The following KIF5B variants were observed in gnomAD, a reference collection of about 807,000 sequenced individuals.
The protein encoded by KIF5B is kinesin family member 5B, also known as kinesin-1 heavy chain.
In KIF5B, 49 loss-of-function variants were observed where a neutral mutation model predicts 132.8. The ratio of observed to expected loss-of-function variants is 0.37; its 90% CI spans 0.29 to 0.47. KIF5B has a LOEUF of 0.47. Among genes scored for constraint, KIF5B ranks in the 20% least tolerant of loss-of-function variants. KIF5B has a pLI of 1.00. For missense variants in KIF5B, 780 were observed against 1,144.0 expected, an observed-to-expected ratio of 0.68 and a Z score of 4.59; for synonymous variants, 355 against 369.4, an observed-to-expected ratio of 0.96 and a Z score of 0.45.
At chr10:32,043,407 C>T (rs759702980) in intron 2 of KIF5B, among the ~76,000 whole-genome samples, 5 of 152,142 alleles carry the variant, frequency 3.3e-5, no homozygotes, top group Admixed American at 2.6e-4. Flanking sequence ...GAAGCTGAGA[C>T]GCAAATGCAA....
At chr10:32,031,336 C>T (rs1841400439) in intron 13 of KIF5B, 57 bp from the exon 14 acceptor site, 1 of 1,324,030 alleles carries the variant, frequency 7.6e-7, no homozygotes, top group African/African-American at 1.5e-5. Flanking sequence ...TAAAAAACAC[C>T]CATGAAGCTT....
intron 15 of KIF5B, among the ~76,000 whole-genome samples, chr10:32,026,978 C>T (rs781445390): frequency 3.9e-5 from 6 of 152,210 alleles, no homozygotes; most frequent in Non-Finnish European, 7.3e-5. Flanking sequence ...CCTCCATCAA[C>T]AAACAGTAAC....
chr10:32,031,012 G>C, intron 14 of KIF5B, 61 bp downstream of exon 14: 1 of 1,203,968 alleles, frequency 8.3e-7, no homozygotes, highest in Non-Finnish European at 1.2e-6. Context: ...TATTTAAGTA[G>C]TTTTTAGGTT....
At chr10:32,027,822 C>T (rs1183009614) in intron 15 of KIF5B, among the ~76,000 whole-genome samples, 1 of 151,814 alleles carries the variant, frequency 6.6e-6, no homozygotes, top group African/African-American at 2.4e-5. Flanking sequence ...AGGCTGGTCT[C>T]GAACTCCTGG....
Position 32,017,365 on chromosome 10 carries a change from C to T in KIF5B, c.2545-6G>A, listed in dbSNP as rs370648605. The T allele has an allele frequency of 2.6e-5, 42 of 1,607,986 alleles. No individual in the cohort carries two copies. The highest frequency in any genetic ancestry group is 2.0e-4 in the East Asian group (9 of 44,834). The stretch of plus-strand genomic sequence containing the variant: ...TCTGCATTATCACGTACCAACTAAA[C>T]GTACACAAAGAAAACAAGGATTCCA... On this transcript the variant is annotated splice_region_variant and splice_polypyrimidine_tract_variant and intron_variant, in intron 23 of 25. Transcript: ENST00000302418.
chr10:32,015,791 C>G, intron 24 of KIF5B, 132 bp from the exon 25 acceptor site: 1 of 695,140 alleles, frequency 1.4e-6, no homozygotes. Context: ...GTTTCTCCAT[C>G]ACTTTTTCTT....
chr10:32,046,521 T>C (rs922110978), intron 2 of KIF5B, among the ~76,000 whole-genome samples: 7 of 152,176 alleles, frequency 4.6e-5, no homozygotes, highest in Non-Finnish European at 1.0e-4. Context: ...TAGCAGATAA[T>C]CCCACTAAAA....
intron 2 of KIF5B, among the ~76,000 whole-genome samples, chr10:32,043,090 G>A (rs896070034): frequency 1.9e-4 from 29 of 152,080 alleles, no homozygotes; most frequent in African/African-American, 2.4e-4. Context: ...TGCAACCTCC[G>A]CCTCCCAGGT....
chr10:32,038,240 T>C (rs376520450), intron 5 of KIF5B, 22 bp from the exon 6 acceptor site: 20 of 1,568,082 alleles, frequency 1.3e-5, no homozygotes, highest in Non-Finnish European at 1.7e-5. Context: ...AAACAAATGT[T>C]AGCAACATTC....
chr10:32,018,601 T>C, intron 20 of KIF5B, 39 bp from the exon 21 acceptor site: 2 of 1,332,554 alleles, frequency 1.5e-6, no homozygotes, highest in Non-Finnish European at 2.0e-6. Flanking sequence ...TCAAATTTTA[T>C]TCTGTATATT....
chr10:32,022,555 A>G (rs1841278318), intron 16 of KIF5B, among the ~76,000 whole-genome samples: 2 of 152,206 alleles, frequency 1.3e-5, no homozygotes, highest in African/African-American at 2.4e-5. Flanking sequence ...GGCCCCATTC[A>G]TTCAGTTGCC....
Position 32,037,308 on chromosome 10 carries a change from C to T in KIF5B, c.657G>A (p.Thr219=), listed in dbSNP as rs770051975. ...AAAGTTTTCCACTCAGCTTTTGTTC[C>T]GTTTGTGTGTTCTCTTGTTTGACAT... ...LINVKQENTQ[T]EQKLSGKLYL... is the part of the protein sequence containing the mutation. Residue 219 remains threonine, a synonymous_variant, in exon 8 of 26, where the codon ACG becomes ACA. Transcript: ENST00000302418. 6.8e-6 allele frequency: 11 copies of T among 1,613,620 alleles called. No individual in the cohort carries two copies. The highest frequency in any genetic ancestry group is 2.2e-5 in the East Asian group (1 of 44,870).
At chr10:32,015,752 C>G in intron 24 of KIF5B, 93 bp from the exon 25 acceptor site, 1 of 1,077,762 alleles carries the variant, frequency 9.3e-7, no homozygotes, top group Non-Finnish European at 1.3e-6. Context: ...CAACAAATTC[C>G]CAAATGTTTT....
chr10:32,014,402 AG>A (rs1236432836), intron 25 of KIF5B, among the ~76,000 whole-genome samples: 1 of 116,938 alleles, frequency 8.6e-6, no homozygotes, highest in Non-Finnish European at 1.8e-5. Flanking sequence ...GGAGTGGGGC[AG>A]GGGGGTGTGG....
intron 14 of KIF5B, among the ~76,000 whole-genome samples, chr10:32,029,128 T>G (rs145624173): frequency 6.6e-6 from 1 of 152,266 alleles, no homozygotes; most frequent in East Asian, 1.9e-4. Context: ...ATAGCTGGCT[T>G]AACAGCTACA....
chr10:32,028,730 C>A (rs1367201431), intron 14 of KIF5B, among the ~76,000 whole-genome samples, 159 bp from the exon 15 acceptor site: 1 of 152,190 alleles, frequency 6.6e-6, no homozygotes, highest in Non-Finnish European at 1.5e-5. Context: ...GGGCTCCCAG[C>A]TCAAACTTAA....
Position 32,023,044 on chromosome 10 carries a change from G to T in KIF5B, c.1726-8C>A, listed in dbSNP as rs1161827745. The T allele has an allele frequency of 1.3e-6, 2 of 1,493,420 alleles. No homozygotes were observed. The highest frequency in any genetic ancestry group is 1.4e-5 in the African/African-American group (1 of 71,626). 92.5% of individuals were successfully genotyped at this position (1,493,420 alleles called of 1,614,324 possible). A position where few individuals can be genotyped will look rare whatever the true frequency, so the allele number is the denominator to read the frequency against. ...GCCAGTTCCCTCAGGCTGCTGTAAG[G>T]AAAAAGTAAAATAAAAAATTAAAGC... is the stretch of plus-strand genomic sequence containing the variant. On this transcript the variant is annotated splice_polypyrimidine_tract_variant and splice_region_variant and intron_variant, in intron 15 of 25. Coordinates refer to ENST00000302418, the MANE Select transcript of KIF5B (RefSeq NM_004521.3).
At chr10:32,012,817 G>C (rs528344811) in intron 25 of KIF5B, among the ~76,000 whole-genome samples, 38 of 151,778 alleles carry the variant, frequency 2.5e-4, no homozygotes, top group Non-Finnish European at 4.7e-4. Context: ...AAATCCCCTT[G>C]CCCAGCTCCC....
At chr10:32,025,551 T>A (rs1841323886) in intron 15 of KIF5B, among the ~76,000 whole-genome samples, 1 of 152,170 alleles carries the variant, frequency 6.6e-6, no homozygotes, top group Non-Finnish European at 1.5e-5. Flanking sequence ...AGTTTTTTTA[T>A]TTTTTGTAGA....
Sources: gnomAD v4.1 joint callset for allele counts (sites outside exome capture counted in the v4.1 genomes callset) on GRCh38, gnomAD v4.1.1 for gene constraint, MANE v1.5 for transcripts, NCBI Gene and HGNC (gene_info 2026-07-23, HGNC 2026-07-21) for gene names.